BRINP3: variants seen among roughly 807,000 people sequenced by gnomAD.
BRINP3 encodes the protein BMP/retinoic acid inducible neural specific 3.
A neutral mutation model predicts 71.0 loss-of-function variants in BRINP3; 19 were observed. The ratio of observed to expected loss-of-function variants is 0.27; its 90% CI spans 0.19 to 0.39. The LOEUF (loss-of-function observed/expected upper bound fraction) is 0.39. Among genes scored for constraint, BRINP3 ranks in the 10% least tolerant of loss-of-function variants. BRINP3 has a pLI of 1.00. For synonymous variants in BRINP3, 380 were observed against 337.7 expected (o/e 1.13, Z -1.37); for missense variants, 959 against 940.8 (o/e 1.02, Z -0.25).
At chr1:190,312,070 T>G (rs1665569662) in intron 2 of BRINP3, among the ~76,000 whole-genome samples, 1 of 141,818 alleles carries the variant, frequency 7.1e-6, no homozygotes, top group Non-Finnish European at 1.5e-5. Context: ...TATATATATA[T>G]ATATATGTAT....
At chr1:190,149,476 G>A (rs190837086) in intron 7 of BRINP3, among the ~76,000 whole-genome samples, 3 of 152,226 alleles carry the variant, frequency 2.0e-5, no homozygotes, top group Admixed American at 2.0e-4. Context: ...GAATTTAGAT[G>A]AGGTTATAAA....
chr1:190,465,976 C>G (rs1219223477), intron 1 of BRINP3, among the ~76,000 whole-genome samples: 1 of 151,786 alleles, frequency 6.6e-6, no homozygotes, highest in East Asian at 1.9e-4. Flanking sequence ...CATGATTTTG[C>G]CTTTCCTGGC....
intron 2 of BRINP3, among the ~76,000 whole-genome samples, chr1:190,405,729 T>TA (rs1263452783): frequency 1.3e-5 from 2 of 152,184 alleles, no homozygotes; most frequent in Non-Finnish European, 2.9e-5. Flanking sequence ...ATTGTTCTAT[T>TA]ATCCAATGTA....
intron 6 of BRINP3, among the ~76,000 whole-genome samples, chr1:190,182,521 A>G (rs534149474): frequency 4.0e-4 from 61 of 151,962 alleles, no homozygotes; most frequent in Non-Finnish European, 6.8e-4. Flanking sequence ...TACCATCTCA[A>G]TTTGGCATTT....
intron 5 of BRINP3, among the ~76,000 whole-genome samples, chr1:190,232,187 A>C (rs1658058407): frequency 6.6e-6 from 1 of 151,998 alleles, no homozygotes; most frequent in African/African-American, 2.4e-5. Flanking sequence ...TAACCCCAAA[A>C]GACATGAAGA....
chr1:190,287,053 T>C (rs971745652), intron 2 of BRINP3, among the ~76,000 whole-genome samples: 1 of 146,618 alleles, frequency 6.8e-6, no homozygotes, highest in African/African-American at 2.6e-5. Flanking sequence ...ACCCTGTCTC[T>C]ACTAAAAAAA....
chr1:190,466,705 C>T (rs1676776289), intron 1 of BRINP3, among the ~76,000 whole-genome samples: 1 of 151,414 alleles, frequency 6.6e-6, no homozygotes, highest in Non-Finnish European at 1.5e-5. Flanking sequence ...GTAACAATTC[C>T]ACTGTAGTTT....
chr1:190,443,056 G>T (rs1019752217), intron 2 of BRINP3, among the ~76,000 whole-genome samples: 1 of 151,698 alleles, frequency 6.6e-6, no homozygotes, highest in Non-Finnish European at 1.5e-5. Flanking sequence ...GGGACTATGG[G>T]CGTGCGCCAC....
intron 7 of BRINP3, among the ~76,000 whole-genome samples, chr1:190,158,393 CT>C (rs1247167884): frequency 2.0e-5 from 3 of 151,928 alleles, no homozygotes; most frequent in Non-Finnish European, 2.9e-5. Context: ...TAAAAATGGA[CT>C]AATACAAGAA....
intron 6 of BRINP3, among the ~76,000 whole-genome samples, chr1:190,201,093 T>C (rs1654964357): frequency 6.6e-6 from 1 of 151,834 alleles, no homozygotes; most frequent in Non-Finnish European, 1.5e-5. Context: ...ACAGAAAAAA[T>C]GTGGGAAAGT....
intron 2 of BRINP3, among the ~76,000 whole-genome samples, chr1:190,398,315 C>T (rs1671710379): frequency 6.6e-6 from 1 of 151,810 alleles, no homozygotes; most frequent in African/African-American, 2.4e-5. Context: ...CTCTGATAAT[C>T]CATATCTGAT....
chr1:190,206,467 C>A (rs1655509168), intron 6 of BRINP3, among the ~76,000 whole-genome samples: 1 of 151,408 alleles, frequency 6.6e-6, no homozygotes, highest in Non-Finnish European at 1.5e-5. Flanking sequence ...AAGTAAAGTG[C>A]AGCATTAAGT....
At chr1:190,251,071 A>G (rs970528739) in intron 4 of BRINP3, among the ~76,000 whole-genome samples, 2 of 151,524 alleles carry the variant, frequency 1.3e-5, no homozygotes, top group African/African-American at 4.8e-5. Context: ...AATAACAACA[A>G]CAATAATAAT....
chr1:190,287,098 G>A (rs1663488723), intron 2 of BRINP3, among the ~76,000 whole-genome samples: 1 of 151,578 alleles, frequency 6.6e-6, no homozygotes, highest in South Asian at 2.1e-4. Context: ...GTGGTGGTGT[G>A]TGCCTGTAAT....
chr1:190,153,415 T>G (rs1656591709), intron 7 of BRINP3, among the ~76,000 whole-genome samples: 1 of 152,178 alleles, frequency 6.6e-6, no homozygotes, highest in Non-Finnish European at 1.5e-5. Flanking sequence ...GCACCTTTCA[T>G]GCACTGGGTA....
At chr1:190,169,785 ATAAT>A (rs1186598432) in intron 6 of BRINP3, among the ~76,000 whole-genome samples, 3 of 152,190 alleles carry the variant, frequency 2.0e-5, no homozygotes, top group Non-Finnish European at 4.4e-5. Flanking sequence ...TGTCTTTTAT[ATAAT>A]TAGTCATAAA....
intron 6 of BRINP3, among the ~76,000 whole-genome samples, chr1:190,177,329 ATTTTT>A (rs11307442): frequency 1.0e-5 from 1 of 98,696 alleles, no homozygotes; most frequent in Non-Finnish European, 1.9e-5. Context: ...TGCCTGGATA[ATTTTT>A]TTTTTTTTTT....
intron 6 of BRINP3, among the ~76,000 whole-genome samples, chr1:190,171,945 AT>A (rs5779513): frequency 0.018 from 2,554 of 143,270 alleles, 55 homozygotes; most frequent in African/African-American, 0.056. Context: ...CAACTCTATA[AT>A]TTTTTTTTTT....
intron 2 of BRINP3, among the ~76,000 whole-genome samples, chr1:190,357,904 T>C (rs1413267642): frequency 6.6e-6 from 1 of 151,916 alleles, no homozygotes; most frequent in Non-Finnish European, 1.5e-5. Context: ...AAACAAGAAA[T>C]GGGGAAACGA....
Sources: allele counts gnomAD v4.1 joint callset (sites outside exome capture counted in the v4.1 genomes callset), GRCh38; gene constraint gnomAD v4.1.1; transcripts MANE v1.5; gene names NCBI Gene and HGNC (gene_info 2026-07-23, HGNC 2026-07-21).